EVC2: variants seen among roughly 807,000 people sequenced by gnomAD.
The protein encoded by EVC2 is EvC ciliary complex subunit 2, also known as limbin.
EVC2 carries 148 observed loss-of-function variants against 149.3 expected under a neutral mutation model. The observed-to-expected ratio is 0.99, with a 90% CI of 0.87 to 1.14. The LOEUF is 1.14. Among genes scored for constraint, EVC2 ranks in the 50% most tolerant of loss-of-function variants. EVC2 has a pLI of 0.00. For missense variants in EVC2, 1,854 were observed against 1,627.3 expected (o/e 1.14, Z -2.40); for synonymous variants, 776 against 649.9 (o/e 1.19, Z -2.95).
At chr4:5,626,077 G>C (rs1483746808) in intron 12 of EVC2, among the ~76,000 whole-genome samples, 169 bp from the exon 13 acceptor site, 1 of 152,146 alleles carries the variant, frequency 6.6e-6, no homozygotes, top group African/African-American at 2.4e-5. Flanking sequence ...TAAAGTACTA[G>C]CAGAGTAAGG....
At chr4:5,621,052 G>C (rs1240287418) in intron 14 of EVC2, among the ~76,000 whole-genome samples, 1 of 152,192 alleles carries the variant, frequency 6.6e-6, no homozygotes, top group Non-Finnish European at 1.5e-5. Flanking sequence ...AATGAGGCCA[G>C]AATCACAGAA....
intron 9 of EVC2, among the ~76,000 whole-genome samples, chr4:5,662,090 T>G (rs1406734303): frequency 6.6e-6 from 1 of 152,180 alleles, no homozygotes; most frequent in Non-Finnish European, 1.5e-5. Context: ...TCTTCTTTAT[T>G]TTCTATACTC....
chr4:5,565,031 A>G (rs1039156116), intron 21 of EVC2, among the ~76,000 whole-genome samples: 6 of 152,244 alleles, frequency 3.9e-5, no homozygotes, highest in African/African-American at 1.4e-4. Context: ...TAAATACAGA[A>G]TGTAAATGTT....
At chr4:5,586,081 C>G (rs753523002) in intron 16 of EVC2, among the ~76,000 whole-genome samples, 2 of 152,102 alleles carry the variant, frequency 1.3e-5, no homozygotes, top group African/African-American at 2.4e-5. Flanking sequence ...AGGCTGGTCT[C>G]GAACGCCTGG....
rs113939285 is a variant in EVC2 at position 5,663,354 on chromosome 4, AG to A, written c.1006-109del. 0.11 allele frequency: 162,812 copies of A among 1,468,448 alleles called. 9,700 individuals carry two copies. The highest frequency in any genetic ancestry group is 0.13 in the African/African-American group (9,270 of 72,054). The allele number at this position is 1,468,448 out of a possible 1,614,324, so 91.0% of individuals were successfully genotyped here. On this transcript the variant is annotated intron_variant, in intron 8 of 21. Coordinates refer to ENST00000344408, the MANE Select transcript of EVC2 (RefSeq NM_147127.5). ...GGGTCTGCAGTCTGAGCACCCAATCAGCCCCACCACTGTGACCACAGTAAAC... is the reference window on the plus strand; with the variant it reads ...GGGTCTGCAGTCTGAGCACCCAATCACCCCACCACTGTGACCACAGTAAAC...
At chr4:5,635,818 G>A (rs932299403) in intron 10 of EVC2, among the ~76,000 whole-genome samples, 1 of 152,232 alleles carries the variant, frequency 6.6e-6, no homozygotes, top group African/African-American at 2.4e-5. Flanking sequence ...TGGCAGAAAA[G>A]CAGCGGGGAG....
At chr4:5,595,546 C>A in intron 16 of EVC2, among the ~76,000 whole-genome samples, 1 of 152,066 alleles carries the variant, frequency 6.6e-6, no homozygotes, top group Non-Finnish European at 1.5e-5. Context: ...CCAGGCCTGC[C>A]CTAAAAGAGC....
chr4:5,581,554 G>GCAA (rs1711794897), intron 17 of EVC2, among the ~76,000 whole-genome samples: 1 of 151,204 alleles, frequency 6.6e-6, no homozygotes, highest in African/African-American at 2.4e-5. Context: ...GTATCTGCTG[G>GCAA]AAGAAATATC....
chr4:5,691,493 G>A (rs575937803), intron 3 of EVC2, among the ~76,000 whole-genome samples, 160 bp from the exon 4 acceptor site: 2 of 152,282 alleles, frequency 1.3e-5, no homozygotes, highest in East Asian at 3.9e-4. Context: ...GAGCATTAAA[G>A]GATTAGAAAT....
At chr4:5,619,733 C>T (rs60397816) in intron 14 of EVC2, among the ~76,000 whole-genome samples, 1,903 of 152,312 alleles carry the variant, frequency 0.012, 33 homozygotes, top group African/African-American at 0.044. Flanking sequence ...GCAAGGCCCA[C>T]AGCCCACTCT....
intron 5 of EVC2, among the ~76,000 whole-genome samples, chr4:5,687,304 C>G (rs1314953538): frequency 6.6e-6 from 1 of 152,062 alleles, no homozygotes; most frequent in African/African-American, 2.4e-5. Context: ...AACAAAATAC[C>G]TCCTATTACC....
chr4:5,539,598 AT>A (rs1418779059), downstream of EVC2, among the ~76,000 whole-genome samples: 3 of 152,204 alleles, frequency 2.0e-5, no homozygotes, highest in Non-Finnish European at 4.4e-5. Context: ...AAATAGATCA[AT>A]TAAACAGAAG....
rs1239898455 is a variant in EVC2, at chr4:5,567,919, T to A, written c.3557+525A>T. ...GGGATAAGAATTACATAGGGGGATG[T>A]TTGCATGAGCGTTAAAAGGTAAGGA... On this transcript the variant is annotated intron_variant, in intron 20 of 21. Coordinates refer to ENST00000344408, the MANE Select transcript of EVC2 (RefSeq NM_147127.5). The surrounding 1 kb of genome is among the most constrained non-coding windows in gnomAD (Gnocchi z 4.4). Among the ~76,000 whole-genome samples, 1 of 152,210 alleles carries A rather than the reference T, an allele frequency of 6.6e-6. No homozygotes were observed. Among genetic ancestry groups the A allele is most frequent in the Non-Finnish European group, 1.5e-5 (1 of 68,048 alleles).
chr4:5,573,737 G>T (rs566962159), intron 19 of EVC2, among the ~76,000 whole-genome samples: 134 of 152,324 alleles, frequency 8.8e-4, no homozygotes, highest in African/African-American at 2.9e-3. Context: ...AGGAAGCTCG[G>T]TGTGCCTGTG....
chr4:5,576,695 C>T lies in EVC2; in HGVS notation c.3058-241G>A, dbSNP rs987092389. On this transcript the variant is annotated intron_variant, in intron 17 of 21. Coordinates refer to ENST00000344408, the MANE Select transcript of EVC2 (RefSeq NM_147127.5). The surrounding 1 kb of genome is among the most constrained non-coding windows in gnomAD (Gnocchi z 4.5). The stretch of plus-strand genomic sequence containing the variant: ...GCAGTGCCTTTCTCTGTCTGCCTGA[C>T]CAATCCCCAGTCTTCTTTCACCCCT... Among the ~76,000 whole-genome samples the T allele has an allele frequency of 6.6e-6, 1 of 152,200 alleles. No homozygotes were observed. Among genetic ancestry groups the T allele is most frequent in the Non-Finnish European group, 1.5e-5 (1 of 68,034 alleles).
Position 5,565,160 on chromosome 4 carries a change from C to T in EVC2, c.3659+98G>A, listed in dbSNP as rs571600927. On this transcript the variant is annotated intron_variant, in intron 21 of 21. Transcript: ENST00000344408. ...GTCACAAATCTTTGTCTGTTTGCAG[C>T]AACCTCCTTTCCTTGTCACCTCCTG... is the stretch of plus-strand genomic sequence containing the variant. 768 of 1,139,622 alleles carry T rather than the reference C, an allele frequency of 6.7e-4. 10 individuals carry two copies. In the South Asian group the frequency reaches 8.9e-3, roughly 13 times the overall value. The allele number at this position is 1,139,622 out of a possible 1,614,324, so 70.6% of individuals were successfully genotyped here. A position where few individuals can be genotyped will look rare whatever the true frequency, so the allele number is the denominator to read the frequency against.
chr4:5,653,156 G>C (rs1718264227), intron 9 of EVC2, among the ~76,000 whole-genome samples: 1 of 152,140 alleles, frequency 6.6e-6, no homozygotes, highest in Admixed American at 6.5e-5. Context: ...GAATATACCA[G>C]TCACGTTGGA....
At chr4:5,673,869 G>T (rs1719825572) in intron 7 of EVC2, among the ~76,000 whole-genome samples, 1 of 152,206 alleles carries the variant, frequency 6.6e-6, no homozygotes, top group South Asian at 2.1e-4. Flanking sequence ...TCTCCCTGCT[G>T]GTGGGATTAC....
At chr4:5,578,636 T>C (rs1157899122) in intron 17 of EVC2, among the ~76,000 whole-genome samples, 1 of 151,580 alleles carries the variant, frequency 6.6e-6, no homozygotes, top group African/African-American at 2.4e-5. Context: ...ATGTTGATGA[T>C]GGATGGATGG....
Sources: allele counts gnomAD v4.1 joint callset (sites outside exome capture counted in the v4.1 genomes callset), GRCh38; gene constraint gnomAD v4.1.1; non-coding constraint Gnocchi (gnomAD v3.1); transcripts MANE v1.5; gene names NCBI Gene and HGNC (gene_info 2026-07-23, HGNC 2026-07-21).